Variants in AP2A2 observed in about 807,000 individuals in gnomAD.
The protein encoded by AP2A2 is adaptor related protein complex 2 subunit alpha 2.
A neutral mutation model predicts 104.2 loss-of-function variants in AP2A2; 32 were observed. The observed-to-expected ratio is 0.31, with a 90% CI of 0.23 to 0.41. The LOEUF (loss-of-function observed/expected upper bound fraction) is 0.41. Among genes scored for constraint, AP2A2 ranks in the 10% least tolerant of loss-of-function variants. The pLI is 1.00. For synonymous variants in AP2A2, 539 were observed against 533.3 expected, an observed-to-expected ratio of 1.01 and a Z score of -0.15; for missense variants, 912 against 1,261.0, an observed-to-expected ratio of 0.72 and a Z score of 4.19.
At chr11:994,758 C>T (rs1817652951) in intron 14 of AP2A2, among the ~76,000 whole-genome samples, 1 of 144,732 alleles carries the variant, frequency 6.9e-6, no homozygotes, top group South Asian at 2.2e-4. Context: ...CCTGGCCTGT[C>T]CCGGGGGCCA....
At chr11:976,442 G>T (rs1218278731) in intron 4 of AP2A2, among the ~76,000 whole-genome samples, 3 of 152,086 alleles carry the variant, frequency 2.0e-5, no homozygotes, top group Non-Finnish European at 2.9e-5. Flanking sequence ...TTTCAGCTGT[G>T]CCTCCACAGC....
intron 1 of AP2A2, among the ~76,000 whole-genome samples, chr11:953,155 G>A (rs1220462567): frequency 1.3e-5 from 2 of 152,100 alleles, no homozygotes; most frequent in African/African-American, 2.4e-5. Context: ...TGGTCGTGCT[G>A]GATTGTCTTT....
intron 1 of AP2A2, among the ~76,000 whole-genome samples, chr11:955,357 C>T (rs1056990147): frequency 1.3e-5 from 2 of 152,256 alleles, no homozygotes; most frequent in African/African-American, 4.8e-5. Flanking sequence ...TCCAAAAAAC[C>T]TGCCATCCTG....
intron 1 of AP2A2, among the ~76,000 whole-genome samples, chr11:942,706 G>T (rs539174643): frequency 2.6e-5 from 4 of 152,248 alleles, no homozygotes; most frequent in African/African-American, 7.2e-5. Flanking sequence ...GATTCTGGGG[G>T]TAAATGTGCA....
intron 1 of AP2A2, among the ~76,000 whole-genome samples, chr11:934,785 T>C (rs1193419882): frequency 6.6e-6 from 1 of 152,216 alleles, no homozygotes; most frequent in East Asian, 1.9e-4. Flanking sequence ...TTAGGATTTA[T>C]GTTTTGCTTT....
At chr11:988,798 A>T (rs904455683) in intron 10 of AP2A2, 109 bp downstream of exon 10, 2 of 1,388,280 alleles carry the variant, frequency 1.4e-6, no homozygotes, top group South Asian at 1.2e-5. Flanking sequence ...TTGAGAACCC[A>T]TGAGATGCTG....
At chr11:1,003,634 C>A in intron 15 of AP2A2, 88 bp from the exon 16 acceptor site, 2 of 798,478 alleles carry the variant, frequency 2.5e-6, no homozygotes, top group East Asian at 2.9e-5. Context: ...TTCTGGCCTC[C>A]TCGTGCTGTG....
At chr11:1,007,978 G>C in intron 17 of AP2A2, 34 bp from the exon 18 acceptor site, 1 of 1,551,820 alleles carries the variant, frequency 6.4e-7, no homozygotes, top group African/African-American at 1.4e-5. Flanking sequence ...TCTGCCACTG[G>C]GACTTGCTCA....
chr11:981,153 G>A, intron 5 of AP2A2, 45 bp from the exon 6 acceptor site: 1 of 1,511,542 alleles, frequency 6.6e-7, no homozygotes, highest in Non-Finnish European at 9.0e-7. Flanking sequence ...AACACAAGTG[G>A]TTAGCTTCAA....
At chr11:934,819 C>T (rs1213679217) in intron 1 of AP2A2, among the ~76,000 whole-genome samples, 1 of 151,644 alleles carries the variant, frequency 6.6e-6, no homozygotes, top group Non-Finnish European at 1.5e-5. Flanking sequence ...CTTTGTGTTT[C>T]ATGTAATGTA....
chr11:952,665 G>C (rs1854091864), intron 1 of AP2A2, among the ~76,000 whole-genome samples: 1 of 152,128 alleles, frequency 6.6e-6, no homozygotes, highest in Non-Finnish European at 1.5e-5. Context: ...AGATCAGACT[G>C]TGTGTGGGGC....
chr11:959,799 A>G (rs1038709149), intron 2 of AP2A2, among the ~76,000 whole-genome samples: 1 of 152,084 alleles, frequency 6.6e-6, no homozygotes, highest in Non-Finnish European at 1.5e-5. Flanking sequence ...CAGAGGACAG[A>G]CACCAAGTAC....
chr11:948,400 A>C (rs1333202764), intron 1 of AP2A2: 1 of 152,254 alleles, frequency 6.6e-6, no homozygotes, highest in Non-Finnish European at 1.5e-5. Flanking sequence ...TAACTCAAGA[A>C]GAAATAGAAA....
intron 5 of AP2A2, among the ~76,000 whole-genome samples, chr11:980,867 G>C (rs1314700733): frequency 6.6e-6 from 1 of 152,274 alleles, no homozygotes; most frequent in East Asian, 1.9e-4. Context: ...GACGGTGGAG[G>C]CCAGGCCAGG....
chr11:949,195 G>A (rs1256105480), intron 1 of AP2A2, among the ~76,000 whole-genome samples: 1 of 151,966 alleles, frequency 6.6e-6, no homozygotes, highest in Non-Finnish European at 1.5e-5. Context: ...AGAATCGCTT[G>A]AAACCGAGAG....
intron 1 of AP2A2, among the ~76,000 whole-genome samples, chr11:934,778 G>A (rs1853397703): frequency 6.6e-6 from 1 of 152,116 alleles, no homozygotes; most frequent in Non-Finnish European, 1.5e-5. Context: ...CACTGTATTA[G>A]GATTTATGTT....
In AP2A2 at chr11:970,079, G is replaced by A. The variant is rs1589977663; in HGVS notation, c.137-90G>A. ...CCTCTCCTGGAGGCTTGTCCGTGCT[G>A]CCTGCTGTACTGCTGCACTGCCCTC... On this transcript the variant is annotated intron_variant, in intron 2 of 21. Transcript: ENST00000448903. The A allele has an allele frequency of 4.9e-6, 7 of 1,441,626 alleles. No homozygotes were observed. The East Asian group carries it at 1.6e-4, about 33-fold the overall frequency. 89.3% of individuals were successfully genotyped at this position (1,441,626 alleles called of 1,614,324 possible). A position where few individuals can be genotyped will look rare whatever the true frequency, so the allele number is the denominator to read the frequency against.
chr11:978,002 C>A (rs1661257931), intron 5 of AP2A2, among the ~76,000 whole-genome samples: 1 of 152,106 alleles, frequency 6.6e-6, no homozygotes, highest in Non-Finnish European at 1.5e-5. Flanking sequence ...ATCCCGTGGA[C>A]CGTGGGAGGT....
At chr11:991,786 G>A (rs930712384) in intron 10 of AP2A2, among the ~76,000 whole-genome samples, 1 of 152,004 alleles carries the variant, frequency 6.6e-6, no homozygotes, top group Non-Finnish European at 1.5e-5. Context: ...GGGAGGGGCG[G>A]CAGGGTATTA....
Sources: gnomAD v4.1 joint callset for allele counts (sites outside exome capture counted in the v4.1 genomes callset) on GRCh38, gnomAD v4.1.1 for gene constraint, MANE v1.5 for transcripts, NCBI Gene and HGNC (gene_info 2026-07-23, HGNC 2026-07-21) for gene names.